ACSF2: variants seen among roughly 807,000 people sequenced by gnomAD.
The protein encoded by ACSF2 is medium-chain acyl-CoA ligase ACSF2, mitochondrial.
ACSF2 carries 52 observed loss-of-function variants against 79.3 expected under a neutral mutation model. The observed-to-expected ratio is 0.66, with a 90% confidence interval of 0.53 to 0.83. The LOEUF (loss-of-function observed/expected upper bound fraction) is 0.83. Among genes scored for constraint, ACSF2 ranks in the 40% least tolerant of loss-of-function variants. The pLI is 0.00. For missense variants in ACSF2, 661 were observed against 803.3 expected (o/e 0.82, Z 2.14); for synonymous variants, 283 against 312.6 (o/e 0.91, Z 1.00).
intron 2 of ACSF2, 47 bp downstream of exon 2, chr17:50,460,919 A>T: frequency 6.4e-7 from 1 of 1,563,160 alleles, no homozygotes; most frequent in Non-Finnish European, 8.7e-7. Context: ...ACTAGCTCCC[A>T]AGCTGCCCTA....
At chr17:50,465,497 G>A in intron 10 of ACSF2, 1 of 1,594,818 alleles carries the variant, frequency 6.3e-7, no homozygotes, top group Non-Finnish European at 8.6e-7. Context: ...TGGGGGGAAG[G>A]GCAGTGAACT....
intron 1 of ACSF2, among the ~76,000 whole-genome samples, chr17:50,456,113 C>A (rs1013807066): frequency 2.0e-5 from 3 of 152,152 alleles, no homozygotes; most frequent in African/African-American, 4.8e-5. Context: ...TGGAGTGCCC[C>A]GTCCGGAGTC....
intron 1 of ACSF2, among the ~76,000 whole-genome samples, chr17:50,457,993 A>C (rs2032112485): frequency 6.6e-6 from 1 of 152,232 alleles, no homozygotes; most frequent in Non-Finnish European, 1.5e-5. Context: ...TAGGCATTGC[A>C]GGGGCCCAGG....
intron 1 of ACSF2, among the ~76,000 whole-genome samples, chr17:50,441,406 C>A (rs1330207153): frequency 1.3e-5 from 2 of 152,200 alleles, no homozygotes; most frequent in African/African-American, 4.8e-5. Flanking sequence ...AACTCCTGGG[C>A]TCAAGGGATC....
chr17:50,463,040 G>C lies in ACSF2; in HGVS notation c.793-116G>C. On this transcript the variant is annotated intron_variant, in intron 6 of 15. Coordinates refer to ENST00000300441, the MANE Select transcript of ACSF2 (RefSeq NM_025149.6). This position sits in a 1 kb window ranked among gnomAD's most constrained non-coding sequence, Gnocchi z 4.6. ...CTTTTGCAAATATACTGAACAGATG[G>C]ATCTGGGGCAACAATCCCTGTCTCC... 1.2e-6 allele frequency: 1 copy of C among 837,758 alleles called. No individual in the cohort carries two copies. The highest frequency in any genetic ancestry group is 2.0e-6 in the Non-Finnish European group (1 of 512,464). 51.9% of individuals were successfully genotyped at this position (837,758 alleles called of 1,614,324 possible). A position where few individuals can be genotyped will look rare whatever the true frequency, so the allele number is the denominator to read the frequency against.
chr17:50,474,228 C>A lies in ACSF2; in HGVS notation c.1758C>A (p.Ile586=). Residue 586 remains isoleucine, a synonymous_variant, in exon 15 of 16, where the codon ATC becomes ATA. Transcript: ENST00000300441. This position sits in a 1 kb window ranked among gnomAD's most constrained non-coding sequence, Gnocchi z 4.2. The stretch of plus-strand genomic sequence containing the variant: ...CTCACTTCAAGATTCCGAAGTACAT[C>A]GTGTTTGTCACAAACTACCCCCTCA... The part of the protein sequence containing the change: ...KISHFKIPKY[I]VFVTNYPLTI... The A allele has an allele frequency of 1.2e-6, 2 of 1,614,220 alleles. No individual in the cohort carries two copies. The highest frequency in any genetic ancestry group is 1.7e-6 in the Non-Finnish European group (2 of 1,180,042).
At chr17:50,434,170 T>G in intron 1 of ACSF2, among the ~76,000 whole-genome samples, 1 of 150,588 alleles carries the variant, frequency 6.6e-6, no homozygotes. Flanking sequence ...TTTTTACAAA[T>G]TAGTTGGGTG....
chr17:50,446,950 C>T (rs1214135551), intron 1 of ACSF2, among the ~76,000 whole-genome samples: 2 of 152,106 alleles, frequency 1.3e-5, no homozygotes, highest in East Asian at 3.8e-4. Flanking sequence ...TAGTACCTGT[C>T]TTTTGGTGAG....
rs145355390 is a variant in ACSF2 at position 50,461,997 on chromosome 17, GGT to G, written c.508-178_508-177del. On this transcript the variant is annotated intron_variant, in intron 4 of 15. Coordinates refer to ENST00000300441, the MANE Select transcript of ACSF2 (RefSeq NM_025149.6). ...GTGATGCATATGTGTCTCAGGGTGT[GGT>G]GTGTGTGTCTCGGGGCTGGTACATG... is the stretch of plus-strand genomic sequence containing the variant. Among the ~76,000 whole-genome samples the G allele has an allele frequency of 2.4e-3, 371 of 151,836 alleles. 1 individual carries two copies. The highest frequency in any genetic ancestry group is 8.7e-3 in the African/African-American group (359 of 41,298).
chr17:50,468,906 T>C, intron 10 of ACSF2: 1 of 1,423,926 alleles, frequency 7.0e-7, no homozygotes, highest in South Asian at 1.5e-5. Context: ...CCGCCCTCTT[T>C]ATACGGTGGC....
intron 10 of ACSF2, chr17:50,465,452 A>C: frequency 6.2e-7 from 1 of 1,613,420 alleles, no homozygotes; most frequent in Non-Finnish European, 8.5e-7. Flanking sequence ...GGAGAGACAG[A>C]AACTTGCTGG....
At chr17:50,452,327 A>G (rs1183864654) in intron 1 of ACSF2, among the ~76,000 whole-genome samples, 1 of 152,162 alleles carries the variant, frequency 6.6e-6, no homozygotes, top group African/African-American at 2.4e-5. Context: ...AAATCCCTTT[A>G]AGAATAGAAG....
intron 1 of ACSF2, among the ~76,000 whole-genome samples, chr17:50,455,872 T>C (rs2031960402): frequency 6.6e-6 from 1 of 152,154 alleles, no homozygotes; most frequent in South Asian, 2.1e-4. Flanking sequence ...CTGTGACGCT[T>C]GTCCTCACTT....
intron 6 of ACSF2, 51 bp downstream of exon 6, chr17:50,462,636 T>C (rs8082089): frequency 0.54 from 863,161 of 1,587,322 alleles, 241,565 homozygotes; most frequent in African/African-American, 0.83. Context: ...ATGCCCCCTG[T>C]CCCTGTGACA....
rs372918627 is a variant in ACSF2, at chr17:50,463,267, G to T, written c.888+16G>T. ...GCATGAGAAGGTGAGGCGGCACTAG[G>T]CCCAGGGCAAGGCTGCAGGAGGGGT... On this transcript the variant is annotated intron_variant, in intron 7 of 15. Coordinates refer to ENST00000300441, the MANE Select transcript of ACSF2 (RefSeq NM_025149.6). This position sits in a 1 kb window ranked among gnomAD's most constrained non-coding sequence, Gnocchi z 4.6. The T allele has an allele frequency of 6.2e-7, 1 of 1,613,806 alleles. No homozygotes were observed. Among genetic ancestry groups the T allele is most frequent in the South Asian group, 1.1e-5 (1 of 91,074 alleles).
intron 1 of ACSF2, among the ~76,000 whole-genome samples, chr17:50,440,234 C>T (rs559927898): frequency 5.1e-4 from 78 of 151,460 alleles, no homozygotes; most frequent in African/African-American, 1.7e-3. Flanking sequence ...ATGGCACCCT[C>T]CCCAGGAAGC....
chr17:50,469,183 T>A (rs1812663125), intron 10 of ACSF2: 1 of 282,694 alleles, frequency 3.5e-6, no homozygotes, highest in South Asian at 1.3e-4. Context: ...AATAGTTATG[T>A]CTGGAGCCCC....
chr17:50,436,199 G>C (rs1313267282), intron 1 of ACSF2, among the ~76,000 whole-genome samples: 1 of 151,616 alleles, frequency 6.6e-6, no homozygotes, highest in Non-Finnish European at 1.5e-5. Context: ...GCGCGATCTC[G>C]GCTCACTGCA....
At chr17:50,449,748 G>C (rs959391042) in intron 1 of ACSF2, among the ~76,000 whole-genome samples, 1 of 152,034 alleles carries the variant, frequency 6.6e-6, no homozygotes, top group African/African-American at 2.4e-5. Context: ...CTTTATTGTA[G>C]TAAAATACAC....
Sources: allele counts gnomAD v4.1 joint callset (sites outside exome capture counted in the v4.1 genomes callset), GRCh38; gene constraint gnomAD v4.1.1; non-coding constraint Gnocchi (gnomAD v3.1); transcripts MANE v1.5; gene names NCBI Gene and HGNC (gene_info 2026-07-23, HGNC 2026-07-21).